The following MAP7 variants were observed in gnomAD, a reference collection of about 807,000 sequenced individuals.
MAP7 encodes the protein microtubule associated protein 7.
MAP7 carries 52 observed loss-of-function variants against 94.8 expected under a neutral mutation model. That is an observed-to-expected ratio of 0.55 (90% CI 0.44 to 0.69). MAP7 has a LOEUF of 0.69. Among genes scored for constraint, MAP7 ranks in the 30% least tolerant of loss-of-function variants. The pLI is 0.00. For synonymous variants in MAP7, 350 were observed against 357.0 expected, an observed-to-expected ratio of 0.98 and a Z score of 0.22; for missense variants, 940 against 964.6, an observed-to-expected ratio of 0.97 and a Z score of 0.34.
intron 1 of MAP7, among the ~76,000 whole-genome samples, chr6:136,507,126 G>C (rs1013300806): frequency 2.0e-5 from 3 of 151,988 alleles, no homozygotes; most frequent in African/African-American, 7.3e-5. Context: ...AACTTTTCTG[G>C]AGTTTTCTTT....
At chr6:136,468,033 A>T (rs1285133626) in intron 1 of MAP7, among the ~76,000 whole-genome samples, 1 of 152,096 alleles carries the variant, frequency 6.6e-6, no homozygotes, top group Non-Finnish European at 1.5e-5. Context: ...AGGAGGAGCC[A>T]GTGGAGTGCC....
intron 1 of MAP7, among the ~76,000 whole-genome samples, chr6:136,539,268 TG>T (rs1829127557): frequency 6.6e-6 from 1 of 152,132 alleles, no homozygotes; most frequent in Non-Finnish European, 1.5e-5. Context: ...AGGAAGACAC[TG>T]AGGAAGAGAA....
intron 3 of MAP7, among the ~76,000 whole-genome samples, chr6:136,411,071 G>T (rs1787289090): frequency 6.6e-6 from 1 of 152,166 alleles, no homozygotes. Flanking sequence ...ATCTCTAAGT[G>T]CTCTAGTCTC....
intron 2 of MAP7, among the ~76,000 whole-genome samples, chr6:136,413,383 G>A (rs1788124304): frequency 6.6e-6 from 1 of 151,902 alleles, no homozygotes; most frequent in Non-Finnish European, 1.5e-5. Flanking sequence ...ATTAGCCAGT[G>A]TGGTGGCACA....
chr6:136,512,222 G>A (rs1823496167), intron 1 of MAP7, among the ~76,000 whole-genome samples: 1 of 152,196 alleles, frequency 6.6e-6, no homozygotes, highest in Admixed American at 6.5e-5. Flanking sequence ...AGAGTGTGTT[G>A]CCTCCAATCA....
intron 1 of MAP7, among the ~76,000 whole-genome samples, chr6:136,504,167 A>G (rs372078614): frequency 4.1e-4 from 62 of 152,316 alleles, no homozygotes; most frequent in African/African-American, 1.4e-3. Context: ...TGTATTATTT[A>G]TAGATATATA....
intron 1 of MAP7, among the ~76,000 whole-genome samples, chr6:136,508,403 C>T (rs190182998): frequency 6.6e-6 from 1 of 152,226 alleles, no homozygotes; most frequent in Non-Finnish European, 1.5e-5. Context: ...CATTATGAGT[C>T]CTGAAGCATC....
At chr6:136,427,245 C>T (rs1416546975) in intron 1 of MAP7, among the ~76,000 whole-genome samples, 13 of 152,212 alleles carry the variant, frequency 8.5e-5, no homozygotes, top group Admixed American at 2.6e-4. Context: ...GCCACAAACT[C>T]CTGGGAGGAT....
intron 8 of MAP7, among the ~76,000 whole-genome samples, chr6:136,369,785 T>C (rs1276345827): frequency 6.6e-6 from 1 of 152,188 alleles, no homozygotes; most frequent in Non-Finnish European, 1.5e-5. Context: ...GATTAAAGAC[T>C]TAAATGTAAG....
chr6:136,525,980 T>C, intron 1 of MAP7: 1 of 1,150,898 alleles, frequency 8.7e-7, no homozygotes, highest in Non-Finnish European at 1.1e-6. Context: ...TGCTACTTGT[T>C]TTTTTTTTTT....
At chr6:136,357,663 T>TA (rs1175921905) in intron 15 of MAP7, among the ~76,000 whole-genome samples, 16 of 151,686 alleles carry the variant, frequency 1.1e-4, no homozygotes, top group African/African-American at 2.9e-4. Flanking sequence ...CCCAGCTAAT[T>TA]AAAAAAAAAT....
intron 1 of MAP7, among the ~76,000 whole-genome samples, chr6:136,492,220 AAT>A (rs1816835408): frequency 6.6e-6 from 1 of 152,216 alleles, no homozygotes; most frequent in South Asian, 2.1e-4. Context: ...GACATTATGG[AAT>A]ATATATACTA....
rs185164223 is a variant in MAP7, at chr6:136,499,311, C to G, written c.67+51031G>C. Among the ~76,000 whole-genome samples, 64 of 152,262 alleles carry G rather than the reference C, an allele frequency of 4.2e-4. 1 individual carries two copies. The highest frequency in any genetic ancestry group is 1.5e-3 in the African/African-American group (61 of 41,504). On this transcript the variant is annotated intron_variant, in intron 1 of 17. Transcript: ENST00000354570. ...CCAAGGAGAAAAAGAACCCACCCAC[C>G]TCCTCTGAACACATGATTTACAAGT... is the stretch of plus-strand genomic sequence containing the variant.
At chr6:136,362,252 T>A (rs1793032784) in intron 11 of MAP7, among the ~76,000 whole-genome samples, 198 bp downstream of exon 11, 1 of 152,112 alleles carries the variant, frequency 6.6e-6, no homozygotes, top group African/African-American at 2.4e-5. Flanking sequence ...GAGACCCCAT[T>A]TCTATTTAAA....
At chr6:136,453,809 A>G (rs1801907746) in intron 1 of MAP7, among the ~76,000 whole-genome samples, 1 of 152,216 alleles carries the variant, frequency 6.6e-6, no homozygotes, top group Admixed American at 6.5e-5. Flanking sequence ...TTTTATTTAA[A>G]AAGCAACTGA....
At chr6:136,543,279 C>T (rs1012872702) in intron 1 of MAP7, among the ~76,000 whole-genome samples, 2 of 152,148 alleles carry the variant, frequency 1.3e-5, no homozygotes, top group African/African-American at 4.8e-5. Flanking sequence ...AAGGATGTAC[C>T]ACATCCTAAC....
At chr6:136,490,522 T>C (rs1253866533) in intron 1 of MAP7, among the ~76,000 whole-genome samples, 1 of 152,188 alleles carries the variant, frequency 6.6e-6, no homozygotes, top group African/African-American at 2.4e-5. Context: ...GAGTGTTTTC[T>C]CACTCTAATT....
At chr6:136,462,332 G>C (rs1040312065) in intron 1 of MAP7, among the ~76,000 whole-genome samples, 7 of 152,104 alleles carry the variant, frequency 4.6e-5, no homozygotes, top group African/African-American at 1.7e-4. Context: ...GTAAATCTCA[G>C]AACTTGAGCA....
At chr6:136,520,388 T>C (rs1248225543) in intron 1 of MAP7, among the ~76,000 whole-genome samples, 3 of 152,220 alleles carry the variant, frequency 2.0e-5, no homozygotes, top group African/African-American at 7.2e-5. Flanking sequence ...TCAACATTTC[T>C]TAGAATTTCT....
Sources: gnomAD v4.1 joint callset for allele counts (sites outside exome capture counted in the v4.1 genomes callset) on GRCh38, gnomAD v4.1.1 for gene constraint, MANE v1.5 for transcripts, NCBI Gene and HGNC (gene_info 2026-07-23, HGNC 2026-07-21) for gene names.